The following PARD6G variants were observed in gnomAD, a reference collection of about 807,000 sequenced individuals.
PARD6G encodes the protein par-6 family cell polarity regulator gamma, also known as partitioning defective 6 homolog gamma.
PARD6G carries 7 observed loss-of-function variants against 10.7 expected under a neutral mutation model. The ratio of observed to expected loss-of-function variants is 0.66; its 90% CI spans 0.37 to 1.23. PARD6G has a LOEUF of 1.23. PARD6G is among the 50% of genes most tolerant of loss of function. PARD6G has a pLI of 0.02. For missense variants in PARD6G, 548 were observed against 571.8 expected, an observed-to-expected ratio of 0.96 and a Z score of 0.42; for synonymous variants, 287 against 269.4, an observed-to-expected ratio of 1.07 and a Z score of -0.64.
Position 80,192,081 on chromosome 18 carries a change from C to T in PARD6G, c.295+10629G>A, listed in dbSNP as rs1019266549. On this transcript the variant is annotated intron_variant, in intron 2 of 2. Coordinates refer to ENST00000353265, the MANE Select transcript of PARD6G (RefSeq NM_032510.4). The surrounding 1 kb of genome is among the most constrained non-coding windows in gnomAD (Gnocchi z 4.9). The stretch of plus-strand genomic sequence containing the variant: ...TGTTTTCAATGTACAAGAAGGTCAG[C>T]GTTAACCACAAGAAGTTTCCATTTG... 1.7e-4 allele frequency among the ~76,000 whole-genome samples: 26 copies of T among 152,188 alleles called. No homozygotes were observed. The highest frequency in any genetic ancestry group is 4.6e-4 in the Admixed American group (7 of 15,286).
chr18:80,174,729 C>G (rs371107299), intron 2 of PARD6G, among the ~76,000 whole-genome samples: 1 of 151,904 alleles, frequency 6.6e-6, no homozygotes, highest in Non-Finnish European at 1.5e-5. Flanking sequence ...CCGAGGCGGG[C>G]GGATCACGAG....
Position 80,246,410 on chromosome 18 carries a change from A to C in PARD6G, c.72+867T>G, listed in dbSNP as rs996752584. 7.9e-5 allele frequency among the ~76,000 whole-genome samples: 12 copies of C among 152,142 alleles called. No homozygotes were observed. The highest frequency in any genetic ancestry group is 1.6e-4 in the Non-Finnish European group (11 of 67,998). The stretch of plus-strand genomic sequence containing the variant: ...GCCAGATCCTACCAGCCAATTACCC[A>C]GACGCGCATCGCGACCCGCAAGTTC... On this transcript the variant is annotated intron_variant, in intron 1 of 2. Transcript: ENST00000353265. The surrounding 1 kb of genome is among the most constrained non-coding windows in gnomAD (Gnocchi z 6.7).
rs1475955105 is a variant in PARD6G, at chr18:80,228,225, A to G, written c.72+19052T>C. On this transcript the variant is annotated intron_variant, in intron 1 of 2. Transcript: ENST00000353265. The surrounding 1 kb of genome is among the most constrained non-coding windows in gnomAD (Gnocchi z 4.6). ...CCTGGTGCTCAGGAAGTCACATCCCACGGGGGAGACGGCAGCGAGCAGAGA... is the reference window on the plus strand; with the variant it reads ...CCTGGTGCTCAGGAAGTCACATCCCGCGGGGGAGACGGCAGCGAGCAGAGA... Among the ~76,000 whole-genome samples, 2 of 151,918 alleles carry G rather than the reference A, an allele frequency of 1.3e-5. No homozygotes were observed. Among genetic ancestry groups the G allele is most frequent in the Non-Finnish European group, 2.9e-5 (2 of 67,986 alleles).
chr18:80,190,174 A>G (rs1966884921), intron 2 of PARD6G, among the ~76,000 whole-genome samples: 1 of 151,372 alleles, frequency 6.6e-6, no homozygotes, highest in Non-Finnish European at 1.5e-5. Flanking sequence ...ATTCTACCCC[A>G]TGTTTTCTGC....
At chr18:80,169,814 C>G (rs904743946) in intron 2 of PARD6G, 5 of 152,236 alleles carry the variant, frequency 3.3e-5, no homozygotes, top group Non-Finnish European at 7.3e-5. Context: ...CTGCTGTGAG[C>G]CGCCATGGTC....
At chr18:80,173,091 T>A (rs1599847355) in intron 2 of PARD6G, among the ~76,000 whole-genome samples, 1 of 152,214 alleles carries the variant, frequency 6.6e-6, no homozygotes, top group African/African-American at 2.4e-5. Context: ...CATTATTAGT[T>A]GTCTGGAACC....
rs751590379 is a variant in PARD6G, at chr18:80,180,812, C to T, written c.296-20206G>A. Reference sequence around the variant, plus strand: ...ACAGGGGACAGCCACAACTTAGCCCCGTGGTTCTGCCCCCAGCAGACATGT... The same window carrying T: ...ACAGGGGACAGCCACAACTTAGCCCTGTGGTTCTGCCCCCAGCAGACATGT... On this transcript the variant is annotated intron_variant, in intron 2 of 2. Transcript: ENST00000353265. The surrounding 1 kb of genome is among the most constrained non-coding windows in gnomAD (Gnocchi z 5.6). 2.0e-5 allele frequency among the ~76,000 whole-genome samples: 3 copies of T among 152,148 alleles called. No individual in the cohort carries two copies. Among genetic ancestry groups the T allele is most frequent in the African/African-American group, 4.8e-5 (2 of 41,428 alleles).
chr18:80,247,387 C>T lies in PARD6G; in HGVS notation c.-39G>A. On this transcript the variant is annotated 5_prime_UTR_variant, in exon 1 of 3. Coordinates refer to ENST00000353265, the MANE Select transcript of PARD6G (RefSeq NM_032510.4). This position sits in a 1 kb window ranked among gnomAD's most constrained non-coding sequence, Gnocchi z 4.2. Reference sequence around the variant, plus strand: ...GTCAGCCTCGCCGTCGCCCTCGCTCCTCAGGGGCCGCAGAAAGACTCCCGG... The same window carrying T: ...GTCAGCCTCGCCGTCGCCCTCGCTCTTCAGGGGCCGCAGAAAGACTCCCGG... 1 of 1,500,728 alleles carries T rather than the reference C, an allele frequency of 6.7e-7. No individual in the cohort carries two copies. Among genetic ancestry groups the T allele is most frequent in the Non-Finnish European group, 9.0e-7 (1 of 1,114,238 alleles). The allele number at this position is 1,500,728 out of a possible 1,614,324, so 93.0% of individuals were successfully genotyped here.
intron 1 of PARD6G, among the ~76,000 whole-genome samples, chr18:80,203,493 C>A (rs1413952751): frequency 1.3e-5 from 2 of 152,128 alleles, no homozygotes; most frequent in East Asian, 1.9e-4. Flanking sequence ...GCTCAGTCAT[C>A]AACACAGATG....
Position 80,228,281 on chromosome 18 carries a change from TGGGGAGGTGA to T in PARD6G, c.72+18986_72+18995del, listed in dbSNP as rs141213620. ...CAAGTGAAAACTGCGGAAGCCGCCA[TGGGGAGGTGA>T]GGGGAGGTGAGCGGAGGGGAGGCCA... On this transcript the variant is annotated intron_variant, in intron 1 of 2. Coordinates refer to ENST00000353265, the MANE Select transcript of PARD6G (RefSeq NM_032510.4). This position sits in a 1 kb window ranked among gnomAD's most constrained non-coding sequence, Gnocchi z 4.6. Among the ~76,000 whole-genome samples, 3,875 of 151,652 alleles carry T rather than the reference TGGGGAGGTGA, an allele frequency of 0.026. 159 individuals carry two copies. The highest frequency in any genetic ancestry group is 0.089 in the African/African-American group (3,668 of 41,288).
chr18:80,218,902 G>A (rs1056443882), intron 1 of PARD6G, among the ~76,000 whole-genome samples: 4 of 152,212 alleles, frequency 2.6e-5, no homozygotes, highest in African/African-American at 4.8e-5. Flanking sequence ...GCCAAGGCTT[G>A]GGGACTGCAC....
intron 1 of PARD6G, among the ~76,000 whole-genome samples, chr18:80,224,215 T>C (rs902553064): frequency 5.5e-4 from 83 of 152,200 alleles, no homozygotes; most frequent in African/African-American, 1.9e-3. Flanking sequence ...TCATCACCAT[T>C]AACACGATTA....
intron 2 of PARD6G, among the ~76,000 whole-genome samples, chr18:80,193,056 A>G (rs1318430706): frequency 2.0e-5 from 3 of 152,072 alleles, no homozygotes; most frequent in African/African-American, 7.2e-5. Context: ...TAGGTCTCTG[A>G]GCTGTACTCT....
rs1458611112 is a variant in PARD6G, at chr18:80,161,659, A to G, written c.296-1053T>C. ...GACAGGCGTCTCGGGGAGCAGAGGG[A>G]AGGGCTTGCTCTGTGAGGCTTGGTC... is the stretch of plus-strand genomic sequence containing the variant. On this transcript the variant is annotated intron_variant, in intron 2 of 2. Transcript: ENST00000353265. The surrounding 1 kb of genome is among the most constrained non-coding windows in gnomAD (Gnocchi z 4.6). 2 of 152,140 alleles carry G rather than the reference A, an allele frequency of 1.3e-5. No individual in the cohort carries two copies. The highest frequency in any genetic ancestry group is 2.9e-5 in the Non-Finnish European group (2 of 68,042). 9.4% of individuals were successfully genotyped at this position (152,140 alleles called of 1,614,324 possible).
intron 1 of PARD6G, among the ~76,000 whole-genome samples, chr18:80,215,008 T>C (rs535699897): frequency 7.7e-6 from 1 of 129,444 alleles, no homozygotes; most frequent in South Asian, 2.7e-4. Flanking sequence ...AGAGTAAGAT[T>C]AACAGCTGGC....
intron 2 of PARD6G, among the ~76,000 whole-genome samples, chr18:80,172,634 C>A (rs1005689026): frequency 6.6e-6 from 1 of 152,208 alleles, no homozygotes; most frequent in African/African-American, 2.4e-5. Flanking sequence ...ATCTGCCTGC[C>A]TCGTTCTCCC....
chr18:80,214,641 A>G (rs529847553), intron 1 of PARD6G, among the ~76,000 whole-genome samples: 377 of 152,296 alleles, frequency 2.5e-3, no homozygotes, highest in Non-Finnish European at 4.2e-3. Flanking sequence ...AGCAAATTTG[A>G]TAGGTACATT....
chr18:80,185,575 C>G (rs909344789), intron 2 of PARD6G, among the ~76,000 whole-genome samples: 1 of 152,022 alleles, frequency 6.6e-6, no homozygotes, highest in Admixed American at 6.6e-5. Context: ...AGGCACATGA[C>G]CAGCAGCCCT....
At position 80,247,015 on chromosome 18, in the gene PARD6G, C is replaced by G. The variant is rs1245509150; in HGVS notation, c.72+262G>C. Reference sequence around the variant, plus strand: ...GAACAAAAGAGCAGCTCCCGCGGAGCGGGTCCAGAGTCTGCCCGGACTGTC... The same window carrying G: ...GAACAAAAGAGCAGCTCCCGCGGAGGGGGTCCAGAGTCTGCCCGGACTGTC... On this transcript the variant is annotated intron_variant, in intron 1 of 2. Transcript: ENST00000353265. The surrounding 1 kb of genome is among the most constrained non-coding windows in gnomAD (Gnocchi z 4.2). Among the ~76,000 whole-genome samples, 1 of 152,118 alleles carries G rather than the reference C, an allele frequency of 6.6e-6. No homozygotes were observed. Among genetic ancestry groups the G allele is most frequent in the Non-Finnish European group, 1.5e-5 (1 of 68,010 alleles).
Sources: gnomAD v4.1 joint callset for allele counts (sites outside exome capture counted in the v4.1 genomes callset) on GRCh38, gnomAD v4.1.1 for gene constraint, Gnocchi (gnomAD v3.1) non-coding constraint, MANE v1.5 for transcripts, NCBI Gene and HGNC (gene_info 2026-07-23, HGNC 2026-07-21) for gene names.